Variants in RGPD4 observed in about 807,000 individuals in gnomAD.
RGPD4 encodes the protein RANBP2 like and GRIP domain containing 4.
RGPD4 carries 84 observed loss-of-function variants against 141.1 expected under a neutral mutation model. The observed-to-expected ratio is 0.60, with a 90% CI of 0.50 to 0.71. RGPD4 has a LOEUF of 0.71. RGPD4 is among the 30% of genes least tolerant of loss of function. RGPD4 has a pLI of 0.00. For synonymous variants in RGPD4, 298 were observed against 566.8 expected, an observed-to-expected ratio of 0.53 and a Z score of 6.74; for missense variants, 918 against 1,622.4, an observed-to-expected ratio of 0.57 and a Z score of 7.46.
At chr2:107,830,519 G>C (rs1659892) in intron 1 of RGPD4, among the ~76,000 whole-genome samples, 17 of 151,982 alleles carry the variant, frequency 1.1e-4, no homozygotes, top group Admixed American at 6.5e-4. Flanking sequence ...GGTTATTATG[G>C]CACCTCTCTT....
chr2:107,881,102 C>T (rs1675350605), intron 21 of RGPD4, among the ~76,000 whole-genome samples: 1 of 150,184 alleles, frequency 6.7e-6, no homozygotes, highest in South Asian at 2.1e-4. Context: ...CCTAATAGAT[C>T]TGTCCTGCCA....
rs372722522 is a variant in RGPD4, at chr2:107,880,063, C to T, written c.5020C>T (p.Arg1674Trp). 1.9e-5 allele frequency: 31 copies of T among 1,611,222 alleles called. No homozygotes were observed. The highest frequency in any genetic ancestry group is 8.8e-5 in the South Asian group (8 of 90,976). The change falls in exon 21 of 23, where the codon CGG (arginine) becomes TGG (tryptophan). Residue 1674 changes from arginine (R) to tryptophan (W), a missense_variant. Physicochemically the swap from Arg to Trp is moderately radical, Grantham distance 101 (BLOSUM62 -3). Transcript: ENST00000408999. ...TGCAGATCACTTAAACGGCCTGCTT[C>T]GGGAAGCAGAGGCAACCAGTGCAGT... ...KSADHLNGLLREAEATSAVLM... is the reference protein window; with the variant it reads ...KSADHLNGLLWEAEATSAVLM...
intron 1 of RGPD4, among the ~76,000 whole-genome samples, chr2:107,831,842 A>G (rs1429104484): frequency 2.8e-4 from 39 of 139,590 alleles, no homozygotes; most frequent in African/African-American, 8.3e-4. Flanking sequence ...AAGTGCCGGG[A>G]TTACAGGCGT....
chr2:107,831,039 G>C (rs571507602), intron 1 of RGPD4, among the ~76,000 whole-genome samples: 1 of 145,934 alleles, frequency 6.9e-6, no homozygotes, highest in African/African-American at 2.5e-5. Flanking sequence ...TGAGCCGGGC[G>C]TGGTGGCAGC....
At chr2:107,849,349 T>C (rs1339432234) in intron 7 of RGPD4, among the ~76,000 whole-genome samples, 5 of 74,982 alleles carry the variant, frequency 6.7e-5, no homozygotes, top group African/African-American at 3.1e-4. Context: ...GCACTGCGCC[T>C]GGCGCGCCTG....
Position 107,827,085 on chromosome 2 carries a change from G to T in RGPD4, c.72G>T (p.Lys24Asn). 1 of 1,590,074 alleles carries T rather than the reference G, an allele frequency of 6.3e-7. No homozygotes were observed. The highest frequency in any genetic ancestry group is 2.3e-4 in the Middle Eastern group (1 of 4,406). Reference sequence around the variant, plus strand: ...AGGGCTCCGCCCCGTCGCCTCGAAAGGTGAGTGGATCTCGAAGAGACCGAC... The same window carrying T: ...AGGGCTCCGCCCCGTCGCCTCGAAATGTGAGTGGATCTCGAAGAGACCGAC... Reference protein sequence around the residue: ...SVQGSAPSPRKKSTRGFYFAK... With the variant: ...SVQGSAPSPRNKSTRGFYFAK... Residue 24 changes from lysine to asparagine, a missense_variant and splice_region_variant, in exon 1 of 23, where the codon AAG becomes AAT. By Grantham distance (94) the Lys-to-Asn change is moderately conservative. Transcript: ENST00000408999.
chr2:107,881,971 A>G (rs539286549), intron 21 of RGPD4, among the ~76,000 whole-genome samples: 1 of 151,994 alleles, frequency 6.6e-6, no homozygotes, highest in South Asian at 2.1e-4. Flanking sequence ...GGGTTAGTGG[A>G]GGCTACCAAT....
chr2:107,884,489 T>C (rs1675456768), intron 22 of RGPD4, among the ~76,000 whole-genome samples: 1 of 149,036 alleles, frequency 6.7e-6, no homozygotes, highest in Non-Finnish European at 1.5e-5. Context: ...TCATTTATGC[T>C]ATAGCAGTTC....
rs1222283120 is a variant in RGPD4, at chr2:107,844,830, G to GTTTTTTTTTT, written c.782+1115_782+1124dup. On this transcript the variant is annotated intron_variant, in intron 6 of 22. Transcript: ENST00000408999. ...TTCTTTCTTTCTTTCTTTCTTTTTT[G>GTTTTTTTTTT]TTTTTTTTTTTTTTTTTTTTTTTTG... is the stretch of plus-strand genomic sequence containing the variant. Among the ~76,000 whole-genome samples, 13 of 26,188 alleles carry GTTTTTTTTTT rather than the reference G, an allele frequency of 5.0e-4. 2 individuals carry two copies. The highest frequency in any genetic ancestry group is 1.1e-3 in the Admixed American group (2 of 1,832). 17.2% of individuals were successfully genotyped at this position (26,188 alleles called of 152,430 possible).
intron 1 of RGPD4, among the ~76,000 whole-genome samples, chr2:107,835,071 CTTTTTTTTTTTTT>C (rs1195678590): frequency 2.0e-3 from 23 of 11,628 alleles, no homozygotes; most frequent in African/African-American, 0.013. Context: ...GTTGTATCAG[CTTTTTTTTTTTTT>C]TTTTTTTTTT....
intron 20 of RGPD4, among the ~76,000 whole-genome samples, chr2:107,878,003 G>C (rs905852082): frequency 6.6e-6 from 1 of 151,152 alleles, no homozygotes; most frequent in African/African-American, 2.5e-5. Flanking sequence ...AGTAGAGATA[G>C]GGTTTCACCA....
chr2:107,883,909 A>C (rs1358663337), intron 22 of RGPD4, among the ~76,000 whole-genome samples: 1 of 152,140 alleles, frequency 6.6e-6, no homozygotes, highest in South Asian at 2.1e-4. Flanking sequence ...ATCTTTTGGC[A>C]TAAATAGGGG....
At position 107,826,941 on chromosome 2, in the gene RGPD4, C is replaced by G; in HGVS notation, c.-73C>G. ...GGAGTCAGTGGCTTTCAGGCGCTTT[C>G]CTGTTGGAATTGGCGACTGCTGCGG... On this transcript the variant is annotated 5_prime_UTR_variant, in exon 1 of 23. Coordinates refer to ENST00000408999, the MANE Select transcript of RGPD4 (RefSeq NM_182588.3). 2 of 1,551,514 alleles carry G rather than the reference C, an allele frequency of 1.3e-6. No homozygotes were observed. Among genetic ancestry groups the G allele is most frequent in the Non-Finnish European group, 1.7e-6 (2 of 1,148,068 alleles).
intron 20 of RGPD4, among the ~76,000 whole-genome samples, chr2:107,874,558 T>C (rs957325076): frequency 1.1e-4 from 16 of 148,236 alleles, no homozygotes; most frequent in African/African-American, 3.1e-4. Context: ...TAATCTTTTA[T>C]TTTAAAGATA....
intron 1 of RGPD4, among the ~76,000 whole-genome samples, chr2:107,830,353 A>G (rs1681437729): frequency 6.6e-6 from 1 of 151,920 alleles, no homozygotes; most frequent in African/African-American, 2.4e-5. Context: ...TAAAAAAAAA[A>G]AAAAAAGCAT....
intron 1 of RGPD4, among the ~76,000 whole-genome samples, chr2:107,828,834 C>T (rs1573455096): frequency 6.9e-5 from 1 of 14,576 alleles, no homozygotes; most frequent in East Asian, 7.4e-4. Flanking sequence ...CCCGGCCCGG[C>T]GGCGGCCTCG....
intron 22 of RGPD4, 80 bp from the exon 23 acceptor site, chr2:107,890,641 A>G (rs1675632441): frequency 1.1e-6 from 1 of 917,966 alleles, no homozygotes; most frequent in African/African-American, 1.9e-5. Flanking sequence ...TATATTGTAG[A>G]GTGGTTCTAA....
In RGPD4 at chr2:107,871,551, G is replaced by A; in HGVS notation, c.3547G>A (p.Val1183Ile). The A allele has an allele frequency of 2.0e-6, 3 of 1,528,020 alleles. 1 individual carries two copies. The highest frequency in any genetic ancestry group is 3.7e-5 in the Admixed American group (2 of 54,752). 94.7% of individuals were successfully genotyped at this position (1,528,020 alleles called of 1,614,324 possible). A position where few individuals can be genotyped will look rare whatever the true frequency, so the allele number is the denominator to read the frequency against. Reference protein sequence around the residue: ...DIPLQTPHKLVDTGRAAKLIQ... With the variant: ...DIPLQTPHKLIDTGRAAKLIQ... ...ACCACTTCAAACTCCCCATAAACTT[G>A]TAGATACTGGCAGAGCTGCCAAGTT... Residue 1183 changes from valine to isoleucine, a missense_variant, in exon 20 of 23, where the codon GTA becomes ATA. Val to Ile is a conservative substitution (Grantham distance 29, BLOSUM62 3). Coordinates refer to ENST00000408999, the MANE Select transcript of RGPD4 (RefSeq NM_182588.3).
chr2:107,833,776 C>T (rs575280887), intron 1 of RGPD4, among the ~76,000 whole-genome samples: 18 of 152,208 alleles, frequency 1.2e-4, no homozygotes, highest in East Asian at 7.7e-4. Flanking sequence ...CCGTGGCTGA[C>T]GCCTGTAATC....
Sources: gnomAD v4.1 joint callset for allele counts (sites outside exome capture counted in the v4.1 genomes callset) on GRCh38, gnomAD v4.1.1 for gene constraint, MANE v1.5 for transcripts, NCBI Gene and HGNC (gene_info 2026-07-23, HGNC 2026-07-21) for gene names.